The following SFXN1 variants were observed in gnomAD, a reference collection of about 807,000 sequenced individuals.
SFXN1 encodes sideroflexin 1.
A neutral mutation model predicts 39.5 loss-of-function variants in SFXN1; 32 were observed. The observed-to-expected ratio is 0.81, with a 90% CI of 0.61 to 1.09. SFXN1 has a LOEUF of 1.09. Ranked by LOEUF, SFXN1 falls within the 50% of genes least tolerant of loss-of-function variation. The pLI is 0.00. For missense variants in SFXN1, 402 were observed against 407.1 expected (o/e 0.99, Z 0.11); for synonymous variants, 136 against 146.5 (o/e 0.93, Z 0.52).
At chr5:175,511,340 T>C (rs1760505069) in intron 4 of SFXN1, 111 bp from the exon 5 acceptor site, 1 of 832,084 alleles carries the variant, frequency 1.2e-6, no homozygotes, top group African/African-American at 1.7e-5. Flanking sequence ...TGTAGACTCT[T>C]CATTCTGAAT....
intron 1 of SFXN1, among the ~76,000 whole-genome samples, chr5:175,481,955 C>T (rs1759269646): frequency 6.6e-6 from 1 of 152,194 alleles, no homozygotes; most frequent in Admixed American, 6.5e-5. Context: ...GTGTGATTGT[C>T]CTTGGCAGAC....
chr5:175,503,987 G>A (rs1760191028), intron 2 of SFXN1, among the ~76,000 whole-genome samples: 1 of 122,388 alleles, frequency 8.2e-6, no homozygotes, highest in Non-Finnish European at 1.6e-5. Flanking sequence ...TGGGAAACAA[G>A]AGTGACACTC....
At position 175,529,514 on chromosome 5, in the gene SFXN1, GAA is replaced by G; in HGVS notation, c.*2782_*2783del. The G allele has an allele frequency of 6.7e-6, 1 of 149,362 alleles. No homozygotes were observed. Among genetic ancestry groups the G allele is most frequent in the Non-Finnish European group, 1.5e-5 (1 of 67,144 alleles). 9.3% of individuals were successfully genotyped at this position (149,362 alleles called of 1,614,324 possible). A position where few individuals can be genotyped will look rare whatever the true frequency, so the allele number is the denominator to read the frequency against. On this transcript the variant is annotated 3_prime_UTR_variant, in exon 11 of 11. Coordinates refer to ENST00000321442, the MANE Select transcript of SFXN1 (RefSeq NM_022754.7). ...ATTGGCAATCCTTGCCGATCTTTTA[GAA>G]ATACCTTTTCTGGAGAAAAAAAAAT...
chr5:175,526,491 G>A (rs989024588), intron 10 of SFXN1, 147 bp from the exon 11 acceptor site: 2 of 644,934 alleles, frequency 3.1e-6, no homozygotes, highest in Non-Finnish European at 5.5e-6. Flanking sequence ...ACGTGATCTC[G>A]TTTTCTAGCC....
chr5:175,505,694 G>T (rs1760267144), intron 2 of SFXN1, among the ~76,000 whole-genome samples: 3 of 152,024 alleles, frequency 2.0e-5, no homozygotes, highest in Admixed American at 2.0e-4. Flanking sequence ...TAAAATGGTG[G>T]GTATTGGCAT....
chr5:175,515,757 G>A (rs1335966403), intron 7 of SFXN1, among the ~76,000 whole-genome samples: 1 of 152,198 alleles, frequency 6.6e-6, no homozygotes, highest in Non-Finnish European at 1.5e-5. Context: ...CCAGGGGTCA[G>A]GGGGATGGTT....
At position 175,484,510 on chromosome 5, in the gene SFXN1, G is replaced by A. The variant is rs145185047; in HGVS notation, c.-10+5871G>A. On this transcript the variant is annotated intron_variant, in intron 1 of 10. Transcript: ENST00000321442. Reference sequence around the variant, plus strand: ...CAGCAGGTGCACGCCGGAATGCTGCGGACCAACCAAGTGGCCCGGCCAGCC... The same window carrying A: ...CAGCAGGTGCACGCCGGAATGCTGCAGACCAACCAAGTGGCCCGGCCAGCC... 5.9e-3 allele frequency among the ~76,000 whole-genome samples: 897 copies of A among 152,342 alleles called. 4 individuals carry two copies. The highest frequency in any genetic ancestry group is 9.0e-3 in the Non-Finnish European group (615 of 68,032).
In SFXN1 at chr5:175,522,420, A is replaced by G. The variant is rs750443438; in HGVS notation, c.870A>G (p.Lys290=). 7 of 1,612,094 alleles carry G rather than the reference A, an allele frequency of 4.3e-6. No individual in the cohort carries two copies. In the South Asian group the frequency reaches 7.7e-5, roughly 18 times the overall value. The part of the protein sequence containing the change: ...TPLCCALFPQ[K]SSMSVTSLEA... ...TGTGTTGTGCCCTGTTTCCTCAGAA[A>G]AGGTATGTATTTGTTATTCGTCAGA... is the stretch of plus-strand genomic sequence containing the variant. Residue 290 remains lysine (K), a splice_region_variant and synonymous_variant, in exon 10 of 11, where the codon AAA becomes AAG. Transcript: ENST00000321442.
At chr5:175,503,190 T>C (rs1022017578) in intron 2 of SFXN1, among the ~76,000 whole-genome samples, 1 of 152,158 alleles carries the variant, frequency 6.6e-6, no homozygotes, top group Non-Finnish European at 1.5e-5. Context: ...CTTAGCAAAT[T>C]GGACACTTAA....
intron 1 of SFXN1, among the ~76,000 whole-genome samples, chr5:175,487,951 G>A (rs1401685960): frequency 2.0e-5 from 3 of 152,118 alleles, no homozygotes; most frequent in East Asian, 1.9e-4. Flanking sequence ...CAGAATTCCA[G>A]TACCTCTTGC....
intron 1 of SFXN1, among the ~76,000 whole-genome samples, chr5:175,481,924 G>T (rs1306665621): frequency 1.3e-5 from 2 of 152,214 alleles, no homozygotes; most frequent in South Asian, 2.1e-4. Flanking sequence ...AGGGAATTTG[G>T]TTTTTAGGCT....
chr5:175,501,856 G>A (rs376795935), intron 2 of SFXN1, among the ~76,000 whole-genome samples: 4 of 152,268 alleles, frequency 2.6e-5, no homozygotes, highest in South Asian at 2.1e-4. Context: ...AGACAGAACC[G>A]ATTTATCAAG....
At chr5:175,493,717 G>C (rs1488689757) in intron 2 of SFXN1, among the ~76,000 whole-genome samples, 2 of 152,172 alleles carry the variant, frequency 1.3e-5, no homozygotes, top group African/African-American at 4.8e-5. Context: ...TGGAGGCAGT[G>C]GTAAAGGACC....
chr5:175,488,607 A>G (rs1759540146), intron 1 of SFXN1, among the ~76,000 whole-genome samples: 1 of 152,142 alleles, frequency 6.6e-6, no homozygotes, highest in Admixed American at 6.5e-5. Flanking sequence ...CCGACACCAG[A>G]TGCATTTCTG....
At chr5:175,509,348 C>A in intron 3 of SFXN1, 146 bp downstream of exon 3, 1 of 660,914 alleles carries the variant, frequency 1.5e-6, no homozygotes, top group Non-Finnish European at 2.4e-6. Context: ...TTGAATCATT[C>A]CGTAATGTAC....
intron 1 of SFXN1, among the ~76,000 whole-genome samples, chr5:175,482,820 T>C (rs1320013046): frequency 6.6e-6 from 1 of 152,222 alleles, no homozygotes; most frequent in Non-Finnish European, 1.5e-5. Context: ...ATCTAGATTA[T>C]ATTTGCTTAA....
At chr5:175,481,505 G>A (rs138391749) in intron 1 of SFXN1, among the ~76,000 whole-genome samples, 2,924 of 152,196 alleles carry the variant, frequency 0.019, 85 homozygotes, top group African/African-American at 0.066. Flanking sequence ...TAGTAGAGAC[G>A]GGGTTTCACC....
chr5:175,523,024 TGTAA>T (rs1275511817), intron 10 of SFXN1: 2 of 152,514 alleles, frequency 1.3e-5, no homozygotes, highest in Admixed American at 6.5e-5. Flanking sequence ...TGTCATTTTC[TGTAA>T]GTGTTACCAG....
Position 175,504,003 on chromosome 5 carries a change from C to CAAAA in SFXN1, c.165-5015_165-5012dup, listed in dbSNP as rs56776430. Among the ~76,000 whole-genome samples, 217 of 51,970 alleles carry CAAAA rather than the reference C, an allele frequency of 4.2e-3. 10 individuals carry two copies. Among genetic ancestry groups the CAAAA allele is most frequent in the African/African-American group, 0.011 (194 of 17,962 alleles). The allele number at this position is 51,970 out of a possible 152,430, so 34.1% of individuals were successfully genotyped here. A position where few individuals can be genotyped will look rare whatever the true frequency, so the allele number is the denominator to read the frequency against. On this transcript the variant is annotated intron_variant, in intron 2 of 10. Coordinates refer to ENST00000321442, the MANE Select transcript of SFXN1 (RefSeq NM_022754.7). ...GGGAAACAAGAGTGACACTCCATCT[C>CAAAA]AAAAAAAAAAAAAAAAAGGGATCCT... is the stretch of plus-strand genomic sequence containing the variant.
Sources: gnomAD v4.1 joint callset for allele counts (sites outside exome capture counted in the v4.1 genomes callset) on GRCh38, gnomAD v4.1.1 for gene constraint, MANE v1.5 for transcripts, NCBI Gene and HGNC (gene_info 2026-07-23, HGNC 2026-07-21) for gene names.